ST8SIA3: variants seen among roughly 807,000 people sequenced by gnomAD.
The protein encoded by ST8SIA3 is ST8 alpha-N-acetyl-neuraminide alpha-2,8-sialyltransferase 3.
Under a neutral mutation model 34.5 loss-of-function variants are expected in ST8SIA3, and 17 were observed. That is an observed-to-expected ratio of 0.49 (90% CI 0.34 to 0.74). The LOEUF (loss-of-function observed/expected upper bound fraction) is 0.74, where lower values mean the gene tolerates loss of function less well. Among genes scored for constraint, ST8SIA3 ranks in the 30% least tolerant of loss-of-function variants. The pLI, the probability that ST8SIA3 is intolerant of heterozygous loss-of-function variation, is 0.01. For synonymous variants in ST8SIA3, 172 were observed against 176.1 expected, an observed-to-expected ratio of 0.98 and a Z score of 0.19; for missense variants, 354 against 467.8, an observed-to-expected ratio of 0.76 and a Z score of 2.24.
At chr18:57,357,523 G>C (rs773373963) in intron 3 of ST8SIA3, 53 bp downstream of exon 3, 2 of 1,425,810 alleles carry the variant, frequency 1.4e-6, no homozygotes, top group Non-Finnish European at 1.9e-6. Context: ...GCAAATCAAT[G>C]TTGTAATCTC....
Position 57,368,435 on chromosome 18 carries a change from T to C in ST8SIA3, c.*8158T>C, listed in dbSNP as rs1429639281. On this transcript the variant is annotated 3_prime_UTR_variant, in exon 4 of 4. Transcript: ENST00000324000. ...ATGTGTCAGGGAAAATAAATGCTTC[T>C]TATATTGTTAATACCGTGATTCCCT... 1 of 152,220 alleles carries C rather than the reference T, an allele frequency of 6.6e-6. No homozygotes were observed. The highest frequency in any genetic ancestry group is 1.5e-5 in the Non-Finnish European group (1 of 68,046). 9.4% of individuals were successfully genotyped at this position (152,220 alleles called of 1,614,324 possible). A position where few individuals can be genotyped will look rare whatever the true frequency, so the allele number is the denominator to read the frequency against.
At position 57,362,048 on chromosome 18, in the gene ST8SIA3, T is replaced by C. The variant is rs2049834372; in HGVS notation, c.*1771T>C. The C allele has an allele frequency of 6.6e-6, 1 of 152,196 alleles. No individual in the cohort carries two copies. Among genetic ancestry groups the C allele is most frequent in the Admixed American group, 6.5e-5 (1 of 15,276 alleles). 9.4% of individuals were successfully genotyped at this position (152,196 alleles called of 1,614,324 possible). A position where few individuals can be genotyped will look rare whatever the true frequency, so the allele number is the denominator to read the frequency against. On this transcript the variant is annotated 3_prime_UTR_variant, in exon 4 of 4. Transcript: ENST00000324000. ...ATCTAATTAGAGCAACTTGCATAGA[T>C]CTAGATATTAACTAATGAAAGAAAC...
At chr18:57,353,653 C>A (rs1426324071) in intron 1 of ST8SIA3, among the ~76,000 whole-genome samples, 2 of 152,160 alleles carry the variant, frequency 1.3e-5, no homozygotes, top group African/African-American at 4.8e-5. Flanking sequence ...TCGGAAGGGC[C>A]GCCCACCCTC....
In ST8SIA3 at chr18:57,354,450, G is replaced by C; in HGVS notation, c.228G>C (p.Thr76=). The C allele has an allele frequency of 6.2e-7, 1 of 1,614,112 alleles. No individual in the cohort carries two copies. Among genetic ancestry groups the C allele is most frequent in the Non-Finnish European group, 8.5e-7 (1 of 1,180,020 alleles). The change falls in exon 2 of 4, where the codon ACG becomes ACC. Residue 76 remains threonine, a synonymous_variant. Coordinates refer to ENST00000324000, the MANE Select transcript of ST8SIA3 (RefSeq NM_015879.3). The stretch of plus-strand genomic sequence containing the variant: ...TAGACCCGTCATTCGTGCCCATTAC[G>C]AATTCTCTCACCCAGGAACTCCAAG... ...KFLDPSFVPI[T]NSLTQELQEK... is the part of the protein sequence containing the mutation.
chr18:57,352,707 C>G lies in ST8SIA3; in HGVS notation c.-140C>G. 1 of 307,902 alleles carries G rather than the reference C, an allele frequency of 3.2e-6. No homozygotes were observed. Among genetic ancestry groups the G allele is most frequent in the South Asian group, 2.5e-5 (1 of 39,716 alleles). 19.1% of individuals were successfully genotyped at this position (307,902 alleles called of 1,614,324 possible). A position where few individuals can be genotyped will look rare whatever the true frequency, so the allele number is the denominator to read the frequency against. The stretch of plus-strand genomic sequence containing the variant: ...CTCCCCCCACCCCCGCCCGGGTCCC[C>G]CTCCTCCGCCACACGCGCGCGCGCT... On this transcript the variant is annotated 5_prime_UTR_variant, in exon 1 of 4. Coordinates refer to ENST00000324000, the MANE Select transcript of ST8SIA3 (RefSeq NM_015879.3).
At position 57,357,195 on chromosome 18, in the gene ST8SIA3, G is replaced by A. The variant is rs1316634745; in HGVS notation, c.585G>A (p.Glu195=). 1 of 1,614,012 alleles carries A rather than the reference G, an allele frequency of 6.2e-7. No homozygotes were observed. Among genetic ancestry groups the A allele is most frequent in the African/African-American group, 1.3e-5 (1 of 74,916 alleles). ...FVFRCNFAPT[E]AFQRDVGRKT... ...TCCGTTGCAATTTCGCCCCTACGGA[G>A]GCTTTCCAAAGAGATGTTGGAAGAA... The change falls in exon 3 of 4, where the codon GAG becomes GAA. Residue 195 remains glutamate, a synonymous_variant. Transcript: ENST00000324000.
rs924833002 is a variant in ST8SIA3 at position 57,367,551 on chromosome 18, G to A, written c.*7274G>A. 3.3e-5 allele frequency: 5 copies of A among 152,544 alleles called. No individual in the cohort carries two copies. The highest frequency in any genetic ancestry group is 7.3e-5 in the Non-Finnish European group (5 of 68,040). 9.4% of individuals were successfully genotyped at this position (152,544 alleles called of 1,614,324 possible). A position where few individuals can be genotyped will look rare whatever the true frequency, so the allele number is the denominator to read the frequency against. On this transcript the variant is annotated 3_prime_UTR_variant, in exon 4 of 4. Coordinates refer to ENST00000324000, the MANE Select transcript of ST8SIA3 (RefSeq NM_015879.3). ...ACAAATTCACCAGAAAACCATTCTT[G>A]AGGAACCAGCCACTCCCATAGCATT...
rs532463931 is a variant in ST8SIA3 at position 57,355,548 on chromosome 18, G to C, written c.302+1024G>C. ...TGATTAACATTTTAAAAACACTTATGTTTAATTATAAATTAGTTCATGAAA... is the reference window on the plus strand; with the variant it reads ...TGATTAACATTTTAAAAACACTTATCTTTAATTATAAATTAGTTCATGAAA... On this transcript the variant is annotated intron_variant, in intron 2 of 3. Coordinates refer to ENST00000324000, the MANE Select transcript of ST8SIA3 (RefSeq NM_015879.3). Among the ~76,000 whole-genome samples, 17 of 152,170 alleles carry C rather than the reference G, an allele frequency of 1.1e-4. No individual in the cohort carries two copies. The South Asian group carries it at 3.1e-3, about 28-fold the overall frequency.
intron 2 of ST8SIA3, among the ~76,000 whole-genome samples, chr18:57,355,784 C>T (rs138748830): frequency 2.6e-5 from 4 of 152,242 alleles, no homozygotes; most frequent in South Asian, 2.1e-4. Flanking sequence ...CTCAAAACTT[C>T]GCTCATTTTA....
At chr18:57,353,700 T>C (rs1353565699) in intron 1 of ST8SIA3, among the ~76,000 whole-genome samples, 2 of 152,048 alleles carry the variant, frequency 1.3e-5, no homozygotes, top group Non-Finnish European at 2.9e-5. Context: ...TGGGCCGGCC[T>C]GTGAAGGCTC....
chr18:57,357,287 A>C lies in ST8SIA3; in HGVS notation c.677A>C (p.Gln226Pro). 4 of 1,614,140 alleles carry C rather than the reference A, an allele frequency of 2.5e-6. No individual in the cohort carries two copies. The highest frequency in any genetic ancestry group is 3.4e-6 in the Non-Finnish European group (4 of 1,179,994). ...EKYYNNLLTIQDRNNFFLSLK... is the reference protein window; with the variant it reads ...EKYYNNLLTIPDRNNFFLSLK... ...TATTACAACAATCTCTTGACTATTC[A>C]GGACCGTAACAACTTTTTCCTCAGT... The change falls in exon 3 of 4, where the codon CAG (glutamine) becomes CCG (proline). Residue 226 changes from glutamine to proline, a missense_variant. Gln to Pro is a moderately conservative substitution (Grantham distance 76, BLOSUM62 -1). Around this residue, in one of 3 missense-constraint regions of ST8SIA3, gnomAD observed 166 missense variants for 245.2 expected, o/e 0.68. Coordinates refer to ENST00000324000, the MANE Select transcript of ST8SIA3 (RefSeq NM_015879.3).
Position 57,357,451 on chromosome 18 carries a change from A to T in ST8SIA3, c.841A>T (p.Ile281Leu). 6.2e-7 allele frequency: 1 copy of T among 1,611,772 alleles called. No individual in the cohort carries two copies. Among genetic ancestry groups the T allele is most frequent in the Non-Finnish European group, 8.5e-7 (1 of 1,179,452 alleles). Residue 281 changes from isoleucine (I) to leucine (L), a missense_variant, in exon 3 of 4, where the codon ATA becomes TTA. Physicochemically the swap from Ile to Leu is conservative, Grantham distance 5. Around this residue, in one of 3 missense-constraint regions of ST8SIA3, gnomAD observed 166 missense variants for 245.2 expected, o/e 0.68. Coordinates refer to ENST00000324000, the MANE Select transcript of ST8SIA3 (RefSeq NM_015879.3). ...AGTCCAACTGGCTTGGCCGGGAAAT[A>T]TAATGCAACATGTCAACAGGTGTGT... ...LKVQLAWPGN[I>L]MQHVNRYWKN...
At position 57,362,213 on chromosome 18, in the gene ST8SIA3, G is replaced by A. The variant is rs1016542010; in HGVS notation, c.*1936G>A. 3.9e-5 allele frequency: 6 copies of A among 152,210 alleles called. No homozygotes were observed. The highest frequency in any genetic ancestry group is 2.4e-5 in the African/African-American group (1 of 41,448). 9.4% of individuals were successfully genotyped at this position (152,210 alleles called of 1,614,324 possible). A position where few individuals can be genotyped will look rare whatever the true frequency, so the allele number is the denominator to read the frequency against. On this transcript the variant is annotated 3_prime_UTR_variant, in exon 4 of 4. Coordinates refer to ENST00000324000, the MANE Select transcript of ST8SIA3 (RefSeq NM_015879.3). The stretch of plus-strand genomic sequence containing the variant: ...CGTGTTTGTTCCCTGTCCCTTTGAA[G>A]AGGACTGTACTACCATCCTCACACT...
rs1022422175 is a variant in ST8SIA3, at chr18:57,363,241, T to A, written c.*2964T>A. 5 of 152,212 alleles carry A rather than the reference T, an allele frequency of 3.3e-5. No individual in the cohort carries two copies. The highest frequency in any genetic ancestry group is 1.2e-4 in the African/African-American group (5 of 41,446). The allele number at this position is 152,212 out of a possible 1,614,324, so 9.4% of individuals were successfully genotyped here. On this transcript the variant is annotated 3_prime_UTR_variant, in exon 4 of 4. Coordinates refer to ENST00000324000, the MANE Select transcript of ST8SIA3 (RefSeq NM_015879.3). Reference sequence around the variant, plus strand: ...CACAAACTTTTGGCAACCTGCTTAATGCTAGACGCTCTGTTTTCACTGGTT... The same window carrying A: ...CACAAACTTTTGGCAACCTGCTTAAAGCTAGACGCTCTGTTTTCACTGGTT...
In ST8SIA3 at chr18:57,364,429, AAAT is replaced by A. The variant is rs979383295; in HGVS notation, c.*4161_*4163del. On this transcript the variant is annotated 3_prime_UTR_variant, in exon 4 of 4. Coordinates refer to ENST00000324000, the MANE Select transcript of ST8SIA3 (RefSeq NM_015879.3). ...GGTTCAATATGCTAAGAAGATATAC[AAAT>A]AATAATAACTTCGTGAGTCTTCATG... 1 of 152,256 alleles carries A rather than the reference AAAT, an allele frequency of 6.6e-6. No individual in the cohort carries two copies. The highest frequency in any genetic ancestry group is 1.5e-5 in the Non-Finnish European group (1 of 68,042). 9.4% of individuals were successfully genotyped at this position (152,256 alleles called of 1,614,324 possible). A position where few individuals can be genotyped will look rare whatever the true frequency, so the allele number is the denominator to read the frequency against.
At chr18:57,359,830 C>A (rs1153627) in intron 3 of ST8SIA3, among the ~76,000 whole-genome samples, 165 bp from the exon 4 acceptor site, 31,204 of 152,108 alleles carry the variant, frequency 0.21, 4,137 homozygotes, top group African/African-American at 0.37. Context: ...AATTATGTAA[C>A]CAGTTGTGCC....
rs982005541 is a variant in ST8SIA3, at chr18:57,368,265, A to G, written c.*7988A>G. 6.6e-6 allele frequency: 1 copy of G among 152,252 alleles called. No homozygotes were observed. The highest frequency in any genetic ancestry group is 1.5e-5 in the Non-Finnish European group (1 of 68,044). 9.4% of individuals were successfully genotyped at this position (152,252 alleles called of 1,614,324 possible). ...ATCTTCTCTCGCTTAACATACTTTGATTTCACCATTGCATTTCAGCATTTT... is the reference window on the plus strand; with the variant it reads ...ATCTTCTCTCGCTTAACATACTTTGGTTTCACCATTGCATTTCAGCATTTT... On this transcript the variant is annotated 3_prime_UTR_variant, in exon 4 of 4. Coordinates refer to ENST00000324000, the MANE Select transcript of ST8SIA3 (RefSeq NM_015879.3).
At chr18:57,353,503 C>A (rs940341386) in intron 1 of ST8SIA3, among the ~76,000 whole-genome samples, 1 of 152,212 alleles carries the variant, frequency 6.6e-6, no homozygotes, top group African/African-American at 2.4e-5. Context: ...TTTACTCCCC[C>A]ACGCCTATCA....
rs2049773883 is a variant in ST8SIA3, at chr18:57,352,998, G to A, written c.152G>A (p.Arg51Gln). ...AAGTACGCCAGCCCGGGGGCGCCCC[G>A]AATGTACATGTTCCACGCGGGATTC... ...TPKYASPGAP[R>Q]MYMFHAGFRS... The change falls in exon 1 of 4, where the codon CGA becomes CAA. Residue 51 changes from arginine to glutamine, a missense_variant. Coordinates refer to ENST00000324000, the MANE Select transcript of ST8SIA3 (RefSeq NM_015879.3). 2 of 1,610,434 alleles carry A rather than the reference G, an allele frequency of 1.2e-6. No individual in the cohort carries two copies. Among genetic ancestry groups the A allele is most frequent in the South Asian group, 2.2e-5 (2 of 91,064 alleles).
Sources: allele counts gnomAD v4.1 joint callset (sites outside exome capture counted in the v4.1 genomes callset), GRCh38; gene constraint gnomAD v4.1.1; regional missense constraint gnomAD v4.1.1; transcripts MANE v1.5; gene names NCBI Gene and HGNC (gene_info 2026-07-23, HGNC 2026-07-21).